Variants in ADGRL2 observed in about 807,000 individuals in gnomAD.
ADGRL2 encodes adhesion G protein-coupled receptor L2.
A neutral mutation model predicts 157.4 loss-of-function variants in ADGRL2; 44 were observed. That is an observed-to-expected ratio of 0.28 (90% CI 0.22 to 0.36). The LOEUF (loss-of-function observed/expected upper bound fraction) is 0.36. ADGRL2 is among the 10% of genes least tolerant of loss of function. The probability of loss-of-function intolerance (pLI) is 1.00; values close to 1 mark genes in which losing one functional copy is unlikely to be tolerated. For missense variants in ADGRL2, 1,510 were observed against 1,768.9 expected, an observed-to-expected ratio of 0.85 and a Z score of 2.63; for synonymous variants, 585 against 624.7, an observed-to-expected ratio of 0.94 and a Z score of 0.95.
At chr1:81,427,198 T>A in intron 1 of ADGRL2, 1 of 825,290 alleles carries the variant, frequency 1.2e-6, no homozygotes, top group Non-Finnish European at 2.1e-6. Context: ...ATTTTGGCCA[T>A]GGTGGCAACT....
intron 2 of ADGRL2, among the ~76,000 whole-genome samples, chr1:81,461,845 A>C (rs955066846): frequency 1.5e-4 from 22 of 151,452 alleles, no homozygotes; most frequent in African/African-American, 5.1e-4. Flanking sequence ...GAAATGAAAC[A>C]AATTTAAAAC....
At chr1:81,788,709 G>T (rs184576684) in intron 2 of ADGRL2, among the ~76,000 whole-genome samples, 2 of 152,096 alleles carry the variant, frequency 1.3e-5, no homozygotes, top group Admixed American at 1.3e-4. Flanking sequence ...TTCTTCAGAA[G>T]TTGGAAATCC....
chr1:81,413,215 AT>A (rs1472869835), intron 1 of ADGRL2, among the ~76,000 whole-genome samples: 4 of 152,274 alleles, frequency 2.6e-5, no homozygotes, highest in Middle Eastern at 6.8e-3. Flanking sequence ...CCCCTGCTAG[AT>A]TTAGCAATGA....
intron 2 of ADGRL2, among the ~76,000 whole-genome samples, chr1:81,528,396 C>T (rs2079517364): frequency 6.6e-6 from 1 of 152,008 alleles, no homozygotes; most frequent in Admixed American, 6.6e-5. Context: ...CCTGTAATCC[C>T]AGCACTTTGG....
At chr1:81,464,380 A>G (rs554991620) in intron 2 of ADGRL2, among the ~76,000 whole-genome samples, 4 of 152,170 alleles carry the variant, frequency 2.6e-5, no homozygotes, top group South Asian at 2.1e-4. Flanking sequence ...TGGGCAGCCT[A>G]TCAGTTTGCT....
chr1:81,799,856 A>T (rs2087797307), upstream of ADGRL2, among the ~76,000 whole-genome samples: 2 of 149,848 alleles, frequency 1.3e-5, no homozygotes, highest in South Asian at 4.3e-4. Context: ...ACATCTGAAA[A>T]CATAGCTGCT....
chr1:81,394,702 A>G (rs557569573), intron 1 of ADGRL2, among the ~76,000 whole-genome samples: 1 of 152,126 alleles, frequency 6.6e-6, no homozygotes, highest in African/African-American at 2.4e-5. Context: ...CAATATACTG[A>G]TTTCCTTTGT....
At chr1:81,442,532 A>G (rs2077526231) in intron 1 of ADGRL2, among the ~76,000 whole-genome samples, 1 of 152,206 alleles carries the variant, frequency 6.6e-6, no homozygotes, top group South Asian at 2.1e-4. Context: ...CCCTATCTGT[A>G]AATGTACTTA....
intron 2 of ADGRL2, among the ~76,000 whole-genome samples, chr1:81,531,521 T>C (rs1333087053): frequency 1.3e-5 from 2 of 152,168 alleles, no homozygotes; most frequent in Middle Eastern, 3.2e-3. Flanking sequence ...AATGTATTCA[T>C]CTTAAGAAGA....
chr1:81,679,810 A>G lies in ADGRL2; in HGVS notation c.-142-82001A>G, dbSNP rs369470561. Among the ~76,000 whole-genome samples, 8 of 152,290 alleles carry G rather than the reference A, an allele frequency of 5.3e-5. No homozygotes were observed. In the South Asian group the frequency reaches 1.0e-3, roughly 20 times the overall value. ...CTGTTTACTTCTGAATTTGGGGCCA[A>G]TGGGATTTTAATTTAGTTAGTAATT... On this transcript the variant is annotated intron_variant, in intron 3 of 24. Coordinates refer to the ADGRL2 transcript ENST00000370721.
intron 1 of ADGRL2, among the ~76,000 whole-genome samples, chr1:81,704,781 A>G (rs1395571110): frequency 6.6e-6 from 1 of 152,222 alleles, no homozygotes; most frequent in Non-Finnish European, 1.5e-5. Flanking sequence ...ACTTTATGTC[A>G]GGCACTGGAG....
rs553777097 is a variant in ADGRL2, at chr1:81,952,230, G to T, written c.1794+88G>T. The T allele has an allele frequency of 1.4e-5, 16 of 1,103,990 alleles. No homozygotes were observed. In the South Asian group the frequency reaches 2.9e-4, roughly 20 times the overall value. 68.4% of individuals were successfully genotyped at this position (1,103,990 alleles called of 1,614,324 possible). On this transcript the variant is annotated intron_variant, in intron 9 of 23. Transcript: ENST00000686636. Reference sequence around the variant, plus strand: ...ATAGCAGTTGAGAGCCAAATCTTTGGCCCCGGGACATATACTTAGAAGCAA... The same window carrying T: ...ATAGCAGTTGAGAGCCAAATCTTTGTCCCCGGGACATATACTTAGAAGCAA...
Position 81,993,931 on chromosome 1 carries a change from C to T in ADGRL2, c.*2786C>T. 3 of 247,456 alleles carry T rather than the reference C, an allele frequency of 1.2e-5. No homozygotes were observed. The highest frequency in any genetic ancestry group is 4.2e-5 in the South Asian group (1 of 23,558). 15.3% of individuals were successfully genotyped at this position (247,456 alleles called of 1,614,324 possible). On this transcript the variant is annotated 3_prime_UTR_variant, in exon 24 of 24. Transcript: ENST00000686636. ...TAATAATAAACGTTATCTTGTTGGCCAGACTGGTCTCCAACTCCTGGTCTC... is the reference window on the plus strand; with the variant it reads ...TAATAATAAACGTTATCTTGTTGGCTAGACTGGTCTCCAACTCCTGGTCTC...
At chr1:81,365,030 A>ATTTATTTGCT (rs1167956721) in intron 1 of ADGRL2, among the ~76,000 whole-genome samples, 1 of 152,134 alleles carries the variant, frequency 6.6e-6, no homozygotes, top group Non-Finnish European at 1.5e-5. Flanking sequence ...CGTCCCCTGC[A>ATTTATTTGCT]TTTATTTGCT....
chr1:81,447,572 A>G (rs2077621516), intron 2 of ADGRL2, among the ~76,000 whole-genome samples: 1 of 152,192 alleles, frequency 6.6e-6, no homozygotes, highest in Non-Finnish European at 1.5e-5. Flanking sequence ...TCTGCATGTG[A>G]ACTTTCTGAG....
At chr1:81,366,013 C>G (rs1245492243) in intron 1 of ADGRL2, among the ~76,000 whole-genome samples, 6 of 152,076 alleles carry the variant, frequency 3.9e-5, no homozygotes, top group Non-Finnish European at 7.4e-5. Context: ...CTTTGCTAGT[C>G]CAGTGAATTT....
chr1:81,325,652 T>C (rs1337067650), intron 1 of ADGRL2, among the ~76,000 whole-genome samples: 1 of 152,226 alleles, frequency 6.6e-6, no homozygotes, highest in Non-Finnish European at 1.5e-5. Context: ...AAGAATTCTC[T>C]TCCAATATAA....
At chr1:81,683,888 C>T (rs1243411854) in intron 3 of ADGRL2, among the ~76,000 whole-genome samples, 1 of 152,048 alleles carries the variant, frequency 6.6e-6, no homozygotes, top group African/African-American at 2.4e-5. Context: ...GCAATCTCGG[C>T]TCGCTGCAAC....
At chr1:81,478,372 A>G (rs1409452769) in intron 2 of ADGRL2, among the ~76,000 whole-genome samples, 1 of 152,196 alleles carries the variant, frequency 6.6e-6, no homozygotes, top group African/African-American at 2.4e-5. Flanking sequence ...ATCCACTTTA[A>G]TTAGCACCTC....
Sources: gnomAD v4.1 joint callset for allele counts (sites outside exome capture counted in the v4.1 genomes callset) on GRCh38, gnomAD v4.1.1 for gene constraint, MANE v1.5 for transcripts, NCBI Gene and HGNC (gene_info 2026-07-23, HGNC 2026-07-21) for gene names.